RNF25: variants seen among roughly 807,000 people sequenced by gnomAD.
The protein encoded by RNF25 is ring finger protein 25.
RNF25 carries 32 observed loss-of-function variants against 65.0 expected under a neutral mutation model. That is an observed-to-expected ratio of 0.49 (90% CI 0.37 to 0.66). The LOEUF (loss-of-function observed/expected upper bound fraction) is 0.66, where lower values mean the gene tolerates loss of function less well. Among genes scored for constraint, RNF25 ranks in the 30% least tolerant of loss-of-function variants. RNF25 has a pLI of 0.00. For missense variants in RNF25, 493 were observed against 584.8 expected, an observed-to-expected ratio of 0.84 and a Z score of 1.62; for synonymous variants, 207 against 221.2, an observed-to-expected ratio of 0.94 and a Z score of 0.57.
At position 218,666,206 on chromosome 2, in the gene RNF25, T is replaced by G; in HGVS notation, c.382A>C (p.Asn128His). The G allele has an allele frequency of 6.2e-7, 1 of 1,614,066 alleles. No individual in the cohort carries two copies. Among genetic ancestry groups the G allele is most frequent in the South Asian group, 1.1e-5 (1 of 91,050 alleles). Residue 128 changes from asparagine (N) to histidine (H), a missense_variant, in exon 6 of 10, where the codon AAC becomes CAC. Asn to His is a moderately conservative substitution (Grantham distance 68). This residue lies in a region of RNF25 where 108 missense variants were observed against 166.0 expected (regional missense o/e 0.65). Coordinates refer to ENST00000295704, the MANE Select transcript of RNF25 (RefSeq NM_022453.3). The stretch of plus-strand genomic sequence containing the variant: ...ACACACTGGCCATGAGGGATGTTGT[T>G]ATCTGTGAGAATTTCCTTCCCTTTC... ...IEKGKEILTD[N>H]NIPHGQCVIC...
At chr2:218,668,504 A>C in intron 2 of RNF25, 101 bp downstream of exon 2, 1 of 1,011,636 alleles carries the variant, frequency 9.9e-7, no homozygotes, top group African/African-American at 1.6e-5. Flanking sequence ...GAGAAATATT[A>C]TCTCTGAATC....
chr2:218,664,951 C>G lies in RNF25; in HGVS notation c.667-78G>C. 6.3e-7 allele frequency: 1 copy of G among 1,579,282 alleles called. No homozygotes were observed. The highest frequency in any genetic ancestry group is 1.1e-5 in the South Asian group (1 of 86,982). ...AACCTCTACTCCTCCCAGGCTGCCT[C>G]AGGAGATCTGCACTGGTTTTGCCCC... On this transcript the variant is annotated intron_variant, in intron 8 of 9. Transcript: ENST00000295704. This position sits in a 1 kb window ranked among gnomAD's most constrained non-coding sequence, Gnocchi z 5.1.
chr2:218,666,770 T>C (rs1215742393), intron 5 of RNF25, among the ~76,000 whole-genome samples: 4 of 152,238 alleles, frequency 2.6e-5, no homozygotes, highest in African/African-American at 7.2e-5. Flanking sequence ...CAAGGCTGCA[T>C]TGTGGAGGCC....
In RNF25 at chr2:218,668,659, TC is replaced by T; in HGVS notation, c.61del (p.Glu21LysfsTer8). ...ATCTAGATAGATGGACTCCAATACT[TC>T]AACTTCAGAGGGAAGGACCCTAGAG... ...EEDWVLPSEV[E>X]VLESIYLDEL... On this transcript the variant is annotated frameshift_variant, in exon 2 of 10. Transcript: ENST00000295704. LOFTEE classifies it high-confidence loss of function. 6.2e-7 allele frequency: 1 copy of T among 1,610,652 alleles called. No homozygotes were observed.
intron 5 of RNF25, 131 bp from the exon 6 acceptor site, chr2:218,666,361 T>C (rs1939826867): frequency 1.4e-6 from 1 of 702,220 alleles, no homozygotes; most frequent in Non-Finnish European, 2.5e-6. Flanking sequence ...TGTTTATGCA[T>C]TTCTGGCTTG....
In RNF25 at chr2:218,668,671, G is replaced by A. The variant is rs1398763065; in HGVS notation, c.50C>T (p.Pro17Leu). 2 of 1,608,268 alleles carry A rather than the reference G, an allele frequency of 1.2e-6. No homozygotes were observed. Among genetic ancestry groups the A allele is most frequent in the Non-Finnish European group, 8.5e-7 (1 of 1,175,214 alleles). ...AAAGEEDWVL[P>L]SEVEVLESIY... is the part of the protein sequence containing the mutation. Reference sequence around the variant, plus strand: ...GGACTCCAATACTTCAACTTCAGAGGGAAGGACCCTAGAGAGACAGGAGTA... The same window carrying A: ...GGACTCCAATACTTCAACTTCAGAGAGAAGGACCCTAGAGAGACAGGAGTA... The change falls in exon 2 of 10, where the codon CCC (proline) becomes CTC (leucine). Residue 17 changes from proline to leucine, a missense_variant. Pro to Leu is a moderately conservative substitution (Grantham distance 98, BLOSUM62 -3). This residue lies in a region of RNF25 where 108 missense variants were observed against 166.0 expected (regional missense o/e 0.65). Transcript: ENST00000295704.
intron 8 of RNF25, 130 bp downstream of exon 8, chr2:218,665,025 G>T: frequency 7.0e-7 from 1 of 1,433,976 alleles, no homozygotes; most frequent in Non-Finnish European, 9.6e-7. Flanking sequence ...GGGGGATGTG[G>T]CTTTGCAGAG....
At chr2:218,667,885 C>A in intron 5 of RNF25, 27 bp downstream of exon 5, 1 of 1,604,978 alleles carries the variant, frequency 6.2e-7, no homozygotes, top group Non-Finnish European at 8.5e-7. Context: ...AAGGAAAGAA[C>A]ATATCTCAGA....
chr2:218,665,507 C>T (rs535726155), intron 7 of RNF25, among the ~76,000 whole-genome samples: 5 of 151,998 alleles, frequency 3.3e-5, no homozygotes, highest in Non-Finnish European at 5.9e-5. Context: ...TTTGGGAGGC[C>T]GAGGCGGGCG....
chr2:218,664,660 TCA>T lies in RNF25; in HGVS notation c.801+77_801+78del, dbSNP rs1939779922. ...ATCATCTTCCTGGTTAGAACAAAGC[TCA>T]CTCTGGGGCCATGGCTGATTGGGGT... On this transcript the variant is annotated intron_variant, in intron 9 of 9. Transcript: ENST00000295704. This position sits in a 1 kb window ranked among gnomAD's most constrained non-coding sequence, Gnocchi z 5.1. The T allele has an allele frequency of 1.9e-6, 3 of 1,597,678 alleles. No individual in the cohort carries two copies. Among genetic ancestry groups the T allele is most frequent in the African/African-American group, 2.7e-5 (2 of 74,554 alleles).
At position 218,665,958 on chromosome 2, in the gene RNF25, T is replaced by G. The variant is rs1307000304; in HGVS notation, c.531A>C (p.Gly177=). The G allele has an allele frequency of 1.2e-6, 2 of 1,614,052 alleles. No individual in the cohort carries two copies. Residue 177 remains glycine, a synonymous_variant, in exon 7 of 10, where the codon GGA becomes GGC. Coordinates refer to ENST00000295704, the MANE Select transcript of RNF25 (RefSeq NM_022453.3). ...GCTGCCGTTCCTGTTCCTGCTCCTG[T>G]CCTTGTGCCTTCAGCTCTTGCTCCA... ...QHMEQELKAQ[G]QEQEQERQHA... is the part of the protein sequence containing the mutation.
chr2:218,668,750 G>A, intron 1 of RNF25, 71 bp from the exon 2 acceptor site: 2 of 1,080,850 alleles, frequency 1.9e-6, no homozygotes, highest in East Asian at 2.4e-5. Flanking sequence ...GCCAATAAAG[G>A]CAGGCTTTGT....
chr2:218,671,893 C>A (rs1372018512), intron 1 of RNF25, 37 bp downstream of exon 1: 1 of 1,613,550 alleles, frequency 6.2e-7, no homozygotes, highest in Admixed American at 1.7e-5. Context: ...TGGACTAGAT[C>A]CAGGCTGTCA....
At chr2:218,670,860 G>A (rs940145297) in intron 1 of RNF25, among the ~76,000 whole-genome samples, 4 of 151,686 alleles carry the variant, frequency 2.6e-5, no homozygotes, top group African/African-American at 7.3e-5. Flanking sequence ...GTCTTCCCAG[G>A]TGCCTGCACC....
At chr2:218,665,851 G>T in intron 7 of RNF25, 65 bp downstream of exon 7, 1 of 1,556,624 alleles carries the variant, frequency 6.4e-7, no homozygotes, top group South Asian at 1.2e-5. Flanking sequence ...GTGGAGAGAT[G>T]GAAAAGTTTG....
intron 1 of RNF25, among the ~76,000 whole-genome samples, chr2:218,671,291 C>T (rs1265564070): frequency 6.6e-6 from 1 of 151,964 alleles, no homozygotes; most frequent in African/African-American, 2.4e-5. Flanking sequence ...GCTGAGGACA[C>T]TGACTCACAG....
chr2:218,664,059 C>A lies in RNF25; in HGVS notation c.1278G>T (p.Arg426=). 1 of 1,505,412 alleles carries A rather than the reference C, an allele frequency of 6.6e-7. No individual in the cohort carries two copies. The highest frequency in any genetic ancestry group is 8.9e-7 in the Non-Finnish European group (1 of 1,127,676). The allele number at this position is 1,505,412 out of a possible 1,614,324, so 93.3% of individuals were successfully genotyped here. The change falls in exon 10 of 10, where the codon CGG becomes CGT. Residue 426 remains arginine, a synonymous_variant. Transcript: ENST00000295704. This position sits in a 1 kb window ranked among gnomAD's most constrained non-coding sequence, Gnocchi z 5.1. ...DCVRWERSKG[R]TPGSSYPRLP... The stretch of plus-strand genomic sequence containing the variant: ...GGCGAGGGTAGGAAGAACCGGGTGT[C>A]CGGCCTTTAGAGCGCTCCCAGCGAA...
At chr2:218,671,803 C>T in intron 1 of RNF25, 127 bp downstream of exon 1, 3 of 1,017,458 alleles carry the variant, frequency 2.9e-6, no homozygotes, top group Non-Finnish European at 2.9e-6. Context: ...CCAGAGATGT[C>T]AGCATCTCTG....
rs749247778 is a variant in RNF25 at position 218,665,946 on chromosome 2, T to C, written c.543A>G (p.Glu181=). The C allele has an allele frequency of 6.2e-7, 1 of 1,614,150 alleles. No homozygotes were observed. Among genetic ancestry groups the C allele is most frequent in the East Asian group, 2.2e-5 (1 of 44,882 alleles). Reference sequence around the variant, plus strand: ...TGGTTGTAGCATGCTGCCGTTCCTGTTCCTGCTCCTGTCCTTGTGCCTTCA... The same window carrying C: ...TGGTTGTAGCATGCTGCCGTTCCTGCTCCTGCTCCTGTCCTTGTGCCTTCA... The part of the protein sequence containing the change: ...QELKAQGQEQ[E]QERQHATTKQ... The change falls in exon 7 of 10, where the codon GAA becomes GAG. Residue 181 remains glutamate (E), a synonymous_variant. Coordinates refer to ENST00000295704, the MANE Select transcript of RNF25 (RefSeq NM_022453.3).
Sources: gnomAD v4.1 joint callset for allele counts (sites outside exome capture counted in the v4.1 genomes callset) on GRCh38, gnomAD v4.1.1 for gene constraint, gnomAD v4.1.1 regional missense constraint, Gnocchi (gnomAD v3.1) non-coding constraint, MANE v1.5 for transcripts, NCBI Gene and HGNC (gene_info 2026-07-23, HGNC 2026-07-21) for gene names.